CLEC4A: variants seen among roughly 807,000 people sequenced by gnomAD.
CLEC4A encodes the protein C-type lectin domain family 4 member A.
CLEC4A carries 27 observed loss-of-function variants against 32.7 expected under a neutral mutation model. That is an observed-to-expected ratio of 0.83 (90% CI 0.61 to 1.14). The LOEUF is 1.14. CLEC4A is among the 50% of genes most tolerant of loss of function. The pLI, the probability that CLEC4A is intolerant of heterozygous loss-of-function variation, is 0.00. For synonymous variants in CLEC4A, 89 were observed against 93.7 expected (o/e 0.95, Z 0.29); for missense variants, 253 against 274.6 (o/e 0.92, Z 0.55).
upstream of CLEC4A, among the ~76,000 whole-genome samples, chr12:8,120,313 A>C (rs906729735): frequency 1.3e-5 from 2 of 152,190 alleles, no homozygotes; most frequent in Non-Finnish European, 2.9e-5. Context: ...CCCACCCTGA[A>C]TCACCTTCTT....
At chr12:8,118,700 C>A (rs1273903388), upstream of CLEC4A, among the ~76,000 whole-genome samples, 3 of 152,154 alleles carry the variant, frequency 2.0e-5, no homozygotes, top group East Asian at 5.8e-4. Context: ...CCTACCAGGC[C>A]CACCTCCAAC....
chr12:8,133,850 G>T, intron 3 of CLEC4A: 6 of 1,585,104 alleles, frequency 3.8e-6, no homozygotes, highest in Non-Finnish European at 4.3e-6. Flanking sequence ...AGGGACCGAG[G>T]AGTACAGTGC....
the CLEC4A span, among the ~76,000 whole-genome samples, chr12:8,111,647 T>C: frequency 1.3e-5 from 2 of 152,214 alleles, no homozygotes; most frequent in Non-Finnish European, 2.9e-5. Context: ...ATGTTTAGTT[T>C]ATGTTTAGAG....
chr12:8,136,230 G>A (rs1378830143), intron 4 of CLEC4A, among the ~76,000 whole-genome samples: 1 of 152,176 alleles, frequency 6.6e-6, no homozygotes, highest in Non-Finnish European at 1.5e-5. Context: ...GAAAAGAGGG[G>A]AAGTAAACCT....
At position 8,125,691 on chromosome 12, in the gene CLEC4A, C is replaced by A. The variant is rs772395608; in HGVS notation, c.199+14C>A. 2 of 1,463,844 alleles carry A rather than the reference C, an allele frequency of 1.4e-6. No individual in the cohort carries two copies. The highest frequency in any genetic ancestry group is 1.9e-6 in the Non-Finnish European group (2 of 1,043,554). 90.7% of individuals were successfully genotyped at this position (1,463,844 alleles called of 1,614,324 possible). On this transcript the variant is annotated intron_variant, in intron 2 of 5. Transcript: ENST00000229332. ...TTGCTTTTGTCAGTAAGTATGCCAA[C>A]TGAACCAATAAGCAATATCTGCTGT...
intron 3 of CLEC4A, among the ~76,000 whole-genome samples, chr12:8,132,161 C>G (rs1004035643): frequency 6.6e-6 from 1 of 152,210 alleles, no homozygotes; most frequent in African/African-American, 2.4e-5. Context: ...GACCCTTTAA[C>G]ATATCACCAC....
At chr12:8,112,682 G>C in the CLEC4A span, among the ~76,000 whole-genome samples, 1 of 151,962 alleles carries the variant, frequency 6.6e-6, no homozygotes, top group East Asian at 1.9e-4. Context: ...AGTTGTGGGA[G>C]TATTTCTTTG....
chr12:8,114,283 C>T, the CLEC4A span, among the ~76,000 whole-genome samples: 3 of 151,966 alleles, frequency 2.0e-5, no homozygotes, highest in Non-Finnish European at 2.9e-5. Context: ...CTTGCTCTGT[C>T]GCCCAGGCTG....
At chr12:8,137,643 G>T (rs1446318185) in intron 5 of CLEC4A, among the ~76,000 whole-genome samples, 2 of 152,000 alleles carry the variant, frequency 1.3e-5, no homozygotes, top group Non-Finnish European at 2.9e-5. Context: ...TATTACTCTA[G>T]TCCTTATTTT....
Position 8,125,572 on chromosome 12 carries a change from A to G in CLEC4A, c.94A>G (p.Arg32Gly). The G allele has an allele frequency of 6.2e-7, 1 of 1,604,598 alleles. No individual in the cohort carries two copies. Residue 32 changes from arginine to glycine, a missense_variant, in exon 2 of 6, where the codon AGG becomes GGG. Transcript: ENST00000229332. The part of the protein sequence containing the change: ...NTASSAASKE[R>G]TAPHKSNTGF... ...GGCTTCTTCTTCAGCTTCCAAGGAGAGGACTGCCCCTCACAAAAGTAATAC... is the reference window on the plus strand; with the variant it reads ...GGCTTCTTCTTCAGCTTCCAAGGAGGGGACTGCCCCTCACAAAAGTAATAC...
the CLEC4A span, among the ~76,000 whole-genome samples, chr12:8,110,850 A>G: frequency 6.6e-6 from 1 of 151,614 alleles, no homozygotes; most frequent in Admixed American, 6.6e-5. Flanking sequence ...ACCATTGTCA[A>G]TAATTTTGTG....
chr12:8,136,563 CAAAAAAA>C (rs5796306), intron 4 of CLEC4A, among the ~76,000 whole-genome samples: 2 of 100,492 alleles, frequency 2.0e-5, no homozygotes, highest in Non-Finnish European at 4.1e-5. Flanking sequence ...GACTCCATCT[CAAAAAAA>C]AAAAAAAAAA....
chr12:8,138,308 A>G lies in CLEC4A; in HGVS notation c.*21A>G, dbSNP rs191833056. Reference sequence around the variant, plus strand: ...TATGAACTGAACATTCTCCATGAACAGGTGGTTGGATTGGTATCTGTCATT... The same window carrying G: ...TATGAACTGAACATTCTCCATGAACGGGTGGTTGGATTGGTATCTGTCATT... On this transcript the variant is annotated 3_prime_UTR_variant, in exon 6 of 6. Transcript: ENST00000229332. The G allele has an allele frequency of 3.6e-4, 574 of 1,613,694 alleles. 2 individuals are homozygous for G. The African/African-American group carries it at 7.1e-3, about 20-fold the overall frequency.
chr12:8,105,981 A>T, the CLEC4A span, among the ~76,000 whole-genome samples: 2 of 152,020 alleles, frequency 1.3e-5, no homozygotes, highest in Non-Finnish European at 2.9e-5. Context: ...GTCCAGAATG[A>T]TATTTCCTAG....
chr12:8,135,582 C>T lies in CLEC4A; in HGVS notation c.299-3C>T. ...CACGTATGTGCCCCTCTTCCCAATA[C>T]AGAGACAGCCTGGAGCTGTTGCCCA... is the stretch of plus-strand genomic sequence containing the variant. On this transcript the variant is annotated splice_region_variant and splice_polypyrimidine_tract_variant and intron_variant, in intron 3 of 5. Transcript: ENST00000229332. The T allele has an allele frequency of 1.2e-6, 2 of 1,613,956 alleles. No individual in the cohort carries two copies. Among genetic ancestry groups the T allele is most frequent in the Non-Finnish European group, 1.7e-6 (2 of 1,179,854 alleles).
the CLEC4A span, among the ~76,000 whole-genome samples, chr12:8,106,990 G>C: frequency 1.3e-5 from 2 of 152,158 alleles, no homozygotes; most frequent in Admixed American, 6.5e-5. Flanking sequence ...TGCCCATTCA[G>C]TATGATGTTG....
chr12:8,114,051 C>CT, the CLEC4A span, among the ~76,000 whole-genome samples: 1 of 152,092 alleles, frequency 6.6e-6, no homozygotes, highest in Non-Finnish European at 1.5e-5. Context: ...TCATGGTTGG[C>CT]TGAGGCAAGG....
At chr12:8,130,961 C>T (rs540860039) in intron 3 of CLEC4A, among the ~76,000 whole-genome samples, 23 of 152,152 alleles carry the variant, frequency 1.5e-4, no homozygotes, top group Middle Eastern at 3.2e-3. Context: ...TCTTTAGGCA[C>T]GTCTTGGCTG....
Position 8,135,064 on chromosome 12 carries a change from T to TTTTTTTTTTTTTTTTTTTTTTTTTC in CLEC4A, c.299-516_299-515insTTTTTTTTTTTTTTTTTTTCTTTTT, listed in dbSNP as rs1948088885. Among the ~76,000 whole-genome samples, 2 of 105,928 alleles carry TTTTTTTTTTTTTTTTTTTTTTTTTC rather than the reference T, an allele frequency of 1.9e-5. 1 individual carries two copies. Among genetic ancestry groups the TTTTTTTTTTTTTTTTTTTTTTTTTC allele is most frequent in the Non-Finnish European group, 3.9e-5 (2 of 51,088 alleles). 69.5% of individuals were successfully genotyped at this position (105,928 alleles called of 152,430 possible). On this transcript the variant is annotated intron_variant, in intron 3 of 5. Transcript: ENST00000229332. ...TTTATTATCTTTTTTTTTTTTTTTTTTTTTTGAGACAGGTTCTCGCTGTGT... is the reference window on the plus strand; with the variant it reads ...TTTATTATCTTTTTTTTTTTTTTTTTTTTTTTTTTTTTTTTTTTTTTTTTCTTTTTGAGACAGGTTCTCGCTGTGT...
Sources: allele counts gnomAD v4.1 joint callset (sites outside exome capture counted in the v4.1 genomes callset), GRCh38; gene constraint gnomAD v4.1.1; transcripts MANE v1.5; gene names NCBI Gene and HGNC (gene_info 2026-07-23, HGNC 2026-07-21).